Variants in PARP14 observed in about 807,000 individuals in gnomAD.
PARP14 encodes the protein protein mono-ADP-ribosyltransferase PARP14.
PARP14 carries 59 observed loss-of-function variants against 154.2 expected under a neutral mutation model. The ratio of observed to expected loss-of-function variants is 0.38; its 90% CI spans 0.31 to 0.48. PARP14 has a LOEUF of 0.48. PARP14 is among the 20% of genes least tolerant of loss of function. PARP14 has a pLI of 0.98. For synonymous variants in PARP14, 720 were observed against 780.5 expected (o/e 0.92, Z 1.29); for missense variants, 1,734 against 2,131.6 (o/e 0.81, Z 3.67).
intron 16 of PARP14, 97 bp from the exon 17 acceptor site, chr3:122,728,209 TAA>T: frequency 2.6e-6 from 3 of 1,173,280 alleles, no homozygotes; most frequent in Admixed American, 2.4e-5. Context: ...CAAAAAATTT[TAA>T]GAGAGGCTTT....
intron 3 of PARP14, 100 bp from the exon 4 acceptor site, chr3:122,692,201 T>C (rs1223248679): frequency 2.0e-5 from 18 of 911,512 alleles, no homozygotes; most frequent in Non-Finnish European, 2.6e-5. Context: ...AGCCAAGAGA[T>C]TGGCAAGGAG....
At chr3:122,684,633 C>T (rs4678207) in intron 1 of PARP14, among the ~76,000 whole-genome samples, 47,534 of 151,634 alleles carry the variant, frequency 0.31, 8,394 homozygotes, top group East Asian at 0.53. Context: ...CAAAAATCTC[C>T]CCCTTCTTTT....
In PARP14 at chr3:122,718,539, G is replaced by A. The variant is rs1173984835; in HGVS notation, c.4388G>A (p.Cys1463Tyr). 1.9e-6 allele frequency: 3 copies of A among 1,612,798 alleles called. No homozygotes were observed. The highest frequency in any genetic ancestry group is 3.3e-5 in the Admixed American group (2 of 60,018). Residue 1463 changes from cysteine (C) to tyrosine (Y), a missense_variant, in exon 14 of 17, where the codon TGC becomes TAC. By Grantham distance (194) the Cys-to-Tyr change is radical. Around this residue, in one of 2 missense-constraint regions of PARP14, gnomAD observed 1,646 missense variants for 1,976.0 expected, o/e 0.83. Coordinates refer to ENST00000474629, the MANE Select transcript of PARP14 (RefSeq NM_017554.3). Reference protein sequence around the residue: ...EQCPYTSEDECIKDFDEKEYQ... With the variant: ...EQCPYTSEDEYIKDFDEKEYQ... ...TGTCCTTACACCAGTGAAGATGAGTGCATCAAAGACTTTGATGAAAAGGAG... is the reference window on the plus strand; with the variant it reads ...TGTCCTTACACCAGTGAAGATGAGTACATCAAAGACTTTGATGAAAAGGAG...
intron 5 of PARP14, among the ~76,000 whole-genome samples, chr3:122,696,275 C>T (rs781541578): frequency 2.6e-5 from 4 of 152,066 alleles, no homozygotes; most frequent in African/African-American, 7.2e-5. Flanking sequence ...GTTCAGAAGT[C>T]AAGGCTGAGC....
rs56863397 is a variant in PARP14 at position 122,715,595 on chromosome 3, CATCTATCTATCTATCTATCT to C, written c.4000+1206_4000+1225del. 7.2e-3 allele frequency among the ~76,000 whole-genome samples: 1,020 copies of C among 142,578 alleles called. 7 individuals are homozygous for C. Among genetic ancestry groups the C allele is most frequent in the Non-Finnish European group, 0.011 (734 of 65,428 alleles). The allele number at this position is 142,578 out of a possible 152,430, so 93.5% of individuals were successfully genotyped here. A position where few individuals can be genotyped will look rare whatever the true frequency, so the allele number is the denominator to read the frequency against. ...ATTTCTCCTATCTCTCTCTACCAGT[CATCTATCTATCTATCTATCT>C]ATCTATCTATCTATCTATCTATCTA... On this transcript the variant is annotated intron_variant, in intron 12 of 16. Coordinates refer to ENST00000474629, the MANE Select transcript of PARP14 (RefSeq NM_017554.3).
chr3:122,720,491 AC>A (rs1187180103), intron 15 of PARP14, 103 bp downstream of exon 15: 1 of 1,086,128 alleles, frequency 9.2e-7, no homozygotes, highest in South Asian at 1.3e-5. Flanking sequence ...ATTTTTTTAA[AC>A]CCAGAATTAG....
intron 12 of PARP14, among the ~76,000 whole-genome samples, chr3:122,715,261 G>C (rs1932960054): frequency 6.6e-6 from 1 of 152,116 alleles, no homozygotes; most frequent in African/African-American, 2.4e-5. Context: ...GAGCTGCCTT[G>C]TTCCAGTGCG....
At position 122,713,897 on chromosome 3, in the gene PARP14, T is replaced by C. The variant is rs1200422696; in HGVS notation, c.3795T>C (p.Cys1265=). The C allele has an allele frequency of 1.2e-6, 2 of 1,612,884 alleles. No homozygotes were observed. The highest frequency in any genetic ancestry group is 1.3e-5 in the African/African-American group (1 of 74,904). Residue 1265 remains cysteine, a synonymous_variant, in exon 11 of 17, where the codon TGT becomes TGC. Coordinates refer to ENST00000474629, the MANE Select transcript of PARP14 (RefSeq NM_017554.3). ...KAGVSKAILE[C]AGQNVERECS... ...GGGTCTCCAAAGCAATTTTAGAATG[T>C]GCTGGACAAAATGTAGAAAGGGAAT... is the stretch of plus-strand genomic sequence containing the variant.
chr3:122,692,514 T>C lies in PARP14; in HGVS notation c.569T>C (p.Val190Ala), dbSNP rs576017451. The change falls in exon 4 of 17, where the codon GTT becomes GCT. Residue 190 changes from valine to alanine, a missense_variant. Val to Ala is a moderately conservative substitution (Grantham distance 64). This residue lies in a region of PARP14 where 1,646 missense variants were observed against 1,976.0 expected (regional missense o/e 0.83). Coordinates refer to ENST00000474629, the MANE Select transcript of PARP14 (RefSeq NM_017554.3). ...FQVEIIRDFDVAVVTFQKHID... is the reference protein window; with the variant it reads ...FQVEIIRDFDAAVVTFQKHID... The stretch of plus-strand genomic sequence containing the variant: ...GTGGAAATAATAAGAGATTTTGATG[T>C]TGCTGTTGTTACCTTTCAAAAGCAC... The C allele has an allele frequency of 1.2e-5, 20 of 1,612,166 alleles. 1 individual carries two copies. The South Asian group carries it at 2.2e-4, about 18-fold the overall frequency.
chr3:122,687,394 G>A (rs1938406362), intron 3 of PARP14, among the ~76,000 whole-genome samples: 1 of 152,226 alleles, frequency 6.6e-6, no homozygotes. Context: ...CTGGGGATGA[G>A]CTGATCTTTA....
rs756682826 is a variant in PARP14, at chr3:122,700,233, T to C, written c.1679T>C (p.Ile560Thr). Reference sequence around the variant, plus strand: ...AAAGAATTCTCTAAGTGTCTTTTCATAGCACAGAAGATTCTTGCACTTTAT... The same window carrying C: ...AAAGAATTCTCTAAGTGTCTTTTCACAGCACAGAAGATTCTTGCACTTTAT... Reference protein sequence around the residue: ...NWKEFSKCLFIAQKILALYEL... With the variant: ...NWKEFSKCLFTAQKILALYEL... The change falls in exon 6 of 17, where the codon ATA (isoleucine) becomes ACA (threonine). Residue 560 changes from isoleucine (I) to threonine (T), a missense_variant. Around this residue, in one of 2 missense-constraint regions of PARP14, gnomAD observed 1,646 missense variants for 1,976.0 expected, o/e 0.83. Coordinates refer to ENST00000474629, the MANE Select transcript of PARP14 (RefSeq NM_017554.3). 1 of 1,612,198 alleles carries C rather than the reference T, an allele frequency of 6.2e-7. No individual in the cohort carries two copies. Among genetic ancestry groups the C allele is most frequent in the Non-Finnish European group, 8.5e-7 (1 of 1,178,842 alleles).
chr3:122,720,417 G>C (rs1933133636), intron 15 of PARP14, 29 bp downstream of exon 15: 4 of 1,605,696 alleles, frequency 2.5e-6, no homozygotes, highest in Non-Finnish European at 3.4e-6. Context: ...TGCAGTTTCT[G>C]GATGGTGGAA....
chr3:122,681,170 G>C lies in PARP14; in HGVS notation c.187+100G>C, dbSNP rs1372838992. ...ACGGGAGGGTGACCCGCCCGACTTCGGCGGCTGCTGTAGCGGAGGTGGCCG... is the reference window on the plus strand; with the variant it reads ...ACGGGAGGGTGACCCGCCCGACTTCCGCGGCTGCTGTAGCGGAGGTGGCCG... On this transcript the variant is annotated intron_variant, in intron 1 of 16. Coordinates refer to ENST00000474629, the MANE Select transcript of PARP14 (RefSeq NM_017554.3). The surrounding 1 kb of genome is among the most constrained non-coding windows in gnomAD (Gnocchi z 5.5). 6.7e-6 allele frequency: 5 copies of C among 747,516 alleles called. 1 individual carries two copies. Among genetic ancestry groups the C allele is most frequent in the Non-Finnish European group, 8.4e-6 (4 of 473,598 alleles). 46.3% of individuals were successfully genotyped at this position (747,516 alleles called of 1,614,324 possible). A position where few individuals can be genotyped will look rare whatever the true frequency, so the allele number is the denominator to read the frequency against.
chr3:122,691,948 TTA>T (rs1351566826), intron 3 of PARP14, among the ~76,000 whole-genome samples: 1 of 152,240 alleles, frequency 6.6e-6, no homozygotes, highest in Non-Finnish European at 1.5e-5. Flanking sequence ...ATATTTTTTC[TTA>T]TCACTAATAA....
intron 7 of PARP14, 89 bp from the exon 8 acceptor site, chr3:122,704,438 A>C: frequency 1.3e-6 from 1 of 747,020 alleles, no homozygotes; most frequent in African/African-American, 1.8e-5. Context: ...AGGAGTATTC[A>C]AGTTCACAAA....
Position 122,700,273 on chromosome 3 carries a change from A to G in PARP14, c.1719A>G (p.Thr573=). 6.2e-7 allele frequency: 1 copy of G among 1,613,162 alleles called. No homozygotes were observed. Among genetic ancestry groups the G allele is most frequent in the Non-Finnish European group, 8.5e-7 (1 of 1,179,442 alleles). The change falls in exon 6 of 17, where the codon ACA becomes ACG. Residue 573 remains threonine (T), a synonymous_variant. Coordinates refer to ENST00000474629, the MANE Select transcript of PARP14 (RefSeq NM_017554.3). ...KILALYELEG[T]TVLLTSCSSE... Reference sequence around the variant, plus strand: ...TTGCACTTTATGAGCTAGAGGGTACAACTGTTCTCTTAACCAGCTGTTCTT... The same window carrying G: ...TTGCACTTTATGAGCTAGAGGGTACGACTGTTCTCTTAACCAGCTGTTCTT...
In PARP14 at chr3:122,700,046, G is replaced by T. The variant is rs1217495337; in HGVS notation, c.1492G>T (p.Glu498Ter). 1 of 1,613,972 alleles carries T rather than the reference G, an allele frequency of 6.2e-7. No individual in the cohort carries two copies. The highest frequency in any genetic ancestry group is 1.1e-5 in the South Asian group (1 of 91,064). ...TTTACTCACGGAGTGCCCAGAGATA[G>T]AGATTTGTTACGATAGAGTCACTCA... is the stretch of plus-strand genomic sequence containing the variant. ...DHLLTECPEI[E>*]ICYDRVTQHL... Residue 498 changes from glutamate (E) to a stop codon, truncating the protein, a stop_gained, in exon 6 of 17, where the codon GAG becomes TAG. Coordinates refer to ENST00000474629, the MANE Select transcript of PARP14 (RefSeq NM_017554.3). LOFTEE classifies it high-confidence loss of function.
In PARP14 at chr3:122,724,455, C is replaced by T. The variant is rs532909102; in HGVS notation, c.4942-3357C>T. ...CTGGGGCTACAGGCACATGCCACCA[C>T]GCCTATTTTTTTTTTTTTTTTTTTT... On this transcript the variant is annotated intron_variant, in intron 15 of 16. Coordinates refer to ENST00000474629, the MANE Select transcript of PARP14 (RefSeq NM_017554.3). Among the ~76,000 whole-genome samples, 719 of 148,682 alleles carry T rather than the reference C, an allele frequency of 4.8e-3. 4 individuals carry two copies. The highest frequency in any genetic ancestry group is 0.016 in the African/African-American group (649 of 40,282).
chr3:122,716,541 A>G (rs1405360042), intron 12 of PARP14, among the ~76,000 whole-genome samples: 2 of 152,232 alleles, frequency 1.3e-5, no homozygotes, highest in African/African-American at 2.4e-5. Context: ...AACGTGAACC[A>G]TGATATAGTG....
Sources: allele counts gnomAD v4.1 joint callset (sites outside exome capture counted in the v4.1 genomes callset), GRCh38; gene constraint gnomAD v4.1.1; regional missense constraint gnomAD v4.1.1; non-coding constraint Gnocchi (gnomAD v3.1); transcripts MANE v1.5; gene names NCBI Gene and HGNC (gene_info 2026-07-23, HGNC 2026-07-21).